NUP210: variants seen among roughly 807,000 people sequenced by gnomAD.
The protein encoded by NUP210 is nuclear pore membrane glycoprotein 210.
In NUP210, 151 loss-of-function variants were observed where a neutral mutation model predicts 196.0. The ratio of observed to expected loss-of-function variants is 0.77; its 90% CI spans 0.67 to 0.88. The LOEUF (loss-of-function observed/expected upper bound fraction) is 0.88. Ranked by LOEUF, NUP210 falls within the 40% of genes least tolerant of loss-of-function variation. The pLI, the probability that NUP210 is intolerant of heterozygous loss-of-function variation, is 0.00. For missense variants in NUP210, 2,314 were observed against 2,493.7 expected (o/e 0.93, Z 1.53); for synonymous variants, 1,070 against 1,052.7 (o/e 1.02, Z -0.32).
intron 1 of NUP210, among the ~76,000 whole-genome samples, chr3:13,412,608 G>A (rs1036850306): frequency 1.3e-5 from 2 of 151,958 alleles, no homozygotes; most frequent in African/African-American, 4.8e-5. Flanking sequence ...CAGCTACTCA[G>A]GAGGCTGAGG....
At chr3:13,365,892 G>C (rs911739861) in intron 14 of NUP210, 54 bp downstream of exon 14, 5 of 1,590,092 alleles carry the variant, frequency 3.1e-6, no homozygotes, top group Non-Finnish European at 8.6e-7. Flanking sequence ...TGGGTAATTT[G>C]CATCTGGGAA....
At chr3:13,377,928 C>T (rs1193175214) in intron 8 of NUP210, among the ~76,000 whole-genome samples, 1 of 151,988 alleles carries the variant, frequency 6.6e-6, no homozygotes, top group African/African-American at 2.4e-5. Flanking sequence ...CACCACCCAC[C>T]TGCAGGCCCT....
At chr3:13,411,377 CT>C (rs1323925705) in intron 1 of NUP210, among the ~76,000 whole-genome samples, 2 of 152,252 alleles carry the variant, frequency 1.3e-5, no homozygotes, top group East Asian at 3.8e-4. Context: ...GGACACAGCT[CT>C]GCCACTAACC....
intron 1 of NUP210, among the ~76,000 whole-genome samples, chr3:13,410,683 C>T (rs1271281298): frequency 2.7e-5 from 4 of 150,720 alleles, no homozygotes; most frequent in Non-Finnish European, 4.4e-5. Context: ...TTTGGGAGGC[C>T]GAGGCGGGTG....
rs201211383 is a variant in NUP210 at position 13,328,918 on chromosome 3, G to A, written c.4139C>T (p.Ser1380Phe). The change falls in exon 31 of 40, where the codon TCC becomes TTC. Residue 1380 changes from serine to phenylalanine, a missense_variant. Transcript: ENST00000254508. ...CTGGGTGTGCAGGACAGGGCTCATG[G>A]AAACCCTCAGGTAGGAAACAGGGGA... ...KVSPVSYLRV[S>F]MSPVLHTQNK... is the part of the protein sequence containing the mutation. 15 of 1,614,032 alleles carry A rather than the reference G, an allele frequency of 9.3e-6. No individual in the cohort carries two copies. In the East Asian group the frequency reaches 3.3e-4, roughly 36 times the overall value.
At chr3:13,362,466 T>C (rs1698402454) in intron 14 of NUP210, among the ~76,000 whole-genome samples, 2 of 152,212 alleles carry the variant, frequency 1.3e-5, no homozygotes, top group African/African-American at 4.8e-5. Flanking sequence ...GCCTTGACCT[T>C]GGACTTCCCA....
chr3:13,361,975 A>G (rs1251692066), intron 14 of NUP210, among the ~76,000 whole-genome samples: 1 of 152,150 alleles, frequency 6.6e-6, no homozygotes, highest in Admixed American at 6.6e-5. Flanking sequence ...GGCCTCCAGA[A>G]AGCCCTGCTT....
At chr3:13,375,472 G>A in intron 11 of NUP210, 32 bp downstream of exon 11, 2 of 1,597,218 alleles carry the variant, frequency 1.3e-6, no homozygotes, top group Non-Finnish European at 1.7e-6. Flanking sequence ...AACACCAAAG[G>A]AATGCACGCA....
rs76827659 is a variant in NUP210 at position 13,317,470 on chromosome 3, A to G, written c.*211T>C. On this transcript the variant is annotated 3_prime_UTR_variant, in exon 40 of 40. Coordinates refer to ENST00000254508, the MANE Select transcript of NUP210 (RefSeq NM_024923.4). ...TCTTAGCTTTGTAAGACTTGAAAGGAAAAAAACACACATTTAAAACTCCTA... is the reference window on the plus strand; with the variant it reads ...TCTTAGCTTTGTAAGACTTGAAAGGGAAAAAACACACATTTAAAACTCCTA... 1.8e-6 allele frequency: 1 copy of G among 568,406 alleles called. No individual in the cohort carries two copies. Among genetic ancestry groups the G allele is most frequent in the South Asian group, 2.1e-5 (1 of 48,684 alleles). The allele number at this position is 568,406 out of a possible 1,614,324, so 35.2% of individuals were successfully genotyped here.
intron 6 of NUP210, 61 bp downstream of exon 6, chr3:13,386,214 T>A: frequency 1.3e-6 from 2 of 1,572,384 alleles, no homozygotes; most frequent in African/African-American, 2.7e-5. Flanking sequence ...TACATGTATG[T>A]AACCACAATA....
intron 27 of NUP210, 36 bp from the exon 28 acceptor site, chr3:13,335,648 C>T: frequency 8.1e-6 from 13 of 1,606,370 alleles, no homozygotes; most frequent in Non-Finnish European, 1.0e-5. Flanking sequence ...AGGGGTAAGG[C>T]CCAGGCCCCT....
chr3:13,352,580 G>C (rs1296310067), intron 18 of NUP210, among the ~76,000 whole-genome samples: 1 of 152,232 alleles, frequency 6.6e-6, no homozygotes, highest in African/African-American at 2.4e-5. Flanking sequence ...GCCAAGGCTG[G>C]CTCAGGAGAG....
At chr3:13,344,200 C>G (rs892507351) in intron 20 of NUP210, among the ~76,000 whole-genome samples, 3 of 152,234 alleles carry the variant, frequency 2.0e-5, no homozygotes, top group African/African-American at 7.2e-5. Flanking sequence ...TTTAGGGATT[C>G]TACCTTTAAG....
chr3:13,339,895 C>A lies in NUP210; in HGVS notation c.3430G>T (p.Ala1144Ser). 6.2e-7 allele frequency: 1 copy of A among 1,613,996 alleles called. No homozygotes were observed. The highest frequency in any genetic ancestry group is 8.5e-7 in the Non-Finnish European group (1 of 1,180,032). The change falls in exon 25 of 40, where the codon GCA becomes TCA. Residue 1144 changes from alanine (A) to serine (S), a missense_variant. Ala to Ser is a moderately conservative substitution (Grantham distance 99, BLOSUM62 1). Transcript: ENST00000254508. ...GNGTVSGLVQ[A>S]VDAETGKVVI... The stretch of plus-strand genomic sequence containing the variant: ...ACCTTGCCGGTCTCTGCATCCACTG[C>A]CTGCACGAGCCCAGACACAGTGCCG...
chr3:13,344,377 T>G (rs1341166232), intron 20 of NUP210, among the ~76,000 whole-genome samples: 1 of 152,230 alleles, frequency 6.6e-6, no homozygotes, highest in Non-Finnish European at 1.5e-5. Context: ...GGACAGGCCA[T>G]GAGGCGAGTC....
At chr3:13,335,077 T>C (rs1697155220) in intron 28 of NUP210, among the ~76,000 whole-genome samples, 1 of 152,178 alleles carries the variant, frequency 6.6e-6, no homozygotes, top group Non-Finnish European at 1.5e-5. Flanking sequence ...CCAGCCTCTG[T>C]TGGGTGCTCT....
At chr3:13,322,974 C>T (rs556874426) in intron 34 of NUP210, among the ~76,000 whole-genome samples, 11 of 152,216 alleles carry the variant, frequency 7.2e-5, no homozygotes, top group East Asian at 3.9e-4. Flanking sequence ...AAACCAGTGA[C>T]GAGTCCTGCT....
intron 1 of NUP210, among the ~76,000 whole-genome samples, chr3:13,419,410 C>T (rs1348970368): frequency 6.6e-6 from 1 of 152,208 alleles, no homozygotes; most frequent in African/African-American, 2.4e-5. Context: ...CCGCATCCGA[C>T]CCCTTGGAGA....
At position 13,388,300 on chromosome 3, in the gene NUP210, C is replaced by T. The variant is rs756745885; in HGVS notation, c.684+3G>A. On this transcript the variant is annotated splice_donor_region_variant and intron_variant, in intron 5 of 39. Transcript: ENST00000254508. ...CACTGACACCCCAGCGCCCCAGGCC[C>T]ACCTTGTAGACAGCCTCCTGGATGC... The T allele has an allele frequency of 1.3e-6, 2 of 1,599,804 alleles. No homozygotes were observed. The highest frequency in any genetic ancestry group is 2.3e-5 in the South Asian group (2 of 88,738).
Sources: gnomAD v4.1 joint callset for allele counts (sites outside exome capture counted in the v4.1 genomes callset) on GRCh38, gnomAD v4.1.1 for gene constraint, MANE v1.5 for transcripts, NCBI Gene and HGNC (gene_info 2026-07-23, HGNC 2026-07-21) for gene names.